Variants in ATG9A observed in about 807,000 individuals in gnomAD.
The protein encoded by ATG9A is autophagy-related protein 9A.
In ATG9A, 21 loss-of-function variants were observed where a neutral mutation model predicts 87.1. The observed-to-expected ratio is 0.24, with a 90% confidence interval of 0.17 to 0.35. The LOEUF (loss-of-function observed/expected upper bound fraction) is 0.35. Among genes scored for constraint, ATG9A ranks in the 10% least tolerant of loss-of-function variants. ATG9A has a pLI of 1.00. For missense variants in ATG9A, 836 were observed against 1,107.3 expected (o/e 0.76, Z 3.48); for synonymous variants, 422 against 441.3 (o/e 0.96, Z 0.55).
rs1157017532 is a variant in ATG9A at position 219,221,373 on chromosome 2, G to GT, written c.2146-72dup. ...TCTGAAACAGCTGCCCTCCAACCTG[G>GT]TATCAGTCAGTTCCCGCTTTACCCC... On this transcript the variant is annotated intron_variant, in intron 13 of 15. Coordinates refer to ENST00000361242, the MANE Select transcript of ATG9A (RefSeq NM_001077198.3). The GT allele has an allele frequency of 4.3e-6, 6 of 1,383,008 alleles. No individual in the cohort carries two copies. In the African/African-American group the frequency reaches 7.3e-5, roughly 17 times the overall value. The allele number at this position is 1,383,008 out of a possible 1,614,324, so 85.7% of individuals were successfully genotyped here.
At chr2:219,226,340 C>G (rs1950860056) in intron 5 of ATG9A, among the ~76,000 whole-genome samples, 1 of 152,198 alleles carries the variant, frequency 6.6e-6, no homozygotes, top group Non-Finnish European at 1.5e-5. Flanking sequence ...CGTGCCCAAC[C>G]AAGGCTTGGG....
At chr2:219,221,923 G>C (rs1227174654) in intron 13 of ATG9A, 127 bp downstream of exon 13, 2 of 813,052 alleles carry the variant, frequency 2.5e-6, no homozygotes, top group Non-Finnish European at 3.8e-6. Flanking sequence ...TAGCTAAAAA[G>C]GATATTAAGA....
At position 219,223,943 on chromosome 2, in the gene ATG9A, G is replaced by T; in HGVS notation, c.1345C>A (p.Pro449Thr). ...TGGGCATTACCCTGCCAGTGGTCAG[G>T]CATGTAGTGGATGTGAGCGAGGATC... ...RVILAHIHYM[P>T]DHWQGNAHRS... The change falls in exon 9 of 16, where the codon CCT becomes ACT. Residue 449 changes from proline (P) to threonine (T), a missense_variant. Pro to Thr is a conservative substitution (Grantham distance 38). Transcript: ENST00000361242. This position sits in a 1 kb window ranked among gnomAD's most constrained non-coding sequence, Gnocchi z 4.7. 1.2e-6 allele frequency: 2 copies of T among 1,614,218 alleles called. No homozygotes were observed. The highest frequency in any genetic ancestry group is 1.7e-6 in the Non-Finnish European group (2 of 1,180,034).
Position 219,223,634 on chromosome 2 carries a change from T to C in ATG9A, c.1550A>G (p.Asp517Gly). ...NFTVEVVGVGDTCSFAQMDVR... is the reference protein window; with the variant it reads ...NFTVEVVGVGGTCSFAQMDVR... Reference sequence around the variant, plus strand: ...ATCCATCTGAGCAAAGGAGCAGGTATCTCCCACACCAACGACCTCCACGGT... The same window carrying C: ...ATCCATCTGAGCAAAGGAGCAGGTACCTCCCACACCAACGACCTCCACGGT... Residue 517 changes from aspartate (D) to glycine (G), a missense_variant, in exon 10 of 16, where the codon GAT (aspartate) becomes GGT (glycine). Physicochemically the swap from Asp to Gly is moderately conservative, Grantham distance 94. This residue lies in a region of ATG9A where 512 missense variants were observed against 759.6 expected (regional missense o/e 0.67). Transcript: ENST00000361242. The surrounding 1 kb of genome is among the most constrained non-coding windows in gnomAD (Gnocchi z 4.7). 1 of 1,613,658 alleles carries C rather than the reference T, an allele frequency of 6.2e-7. No individual in the cohort carries two copies. Among genetic ancestry groups the C allele is most frequent in the Non-Finnish European group, 8.5e-7 (1 of 1,179,844 alleles).
chr2:219,222,413 G>C lies in ATG9A; in HGVS notation c.1886C>G (p.Ser629Cys), dbSNP rs1270732997. 5 of 1,581,410 alleles carry C rather than the reference G, an allele frequency of 3.2e-6. No individual in the cohort carries two copies. Among genetic ancestry groups the C allele is most frequent in the Admixed American group, 1.9e-5 (1 of 54,012 alleles). The change falls in exon 12 of 16, where the codon TCC (serine) becomes TGC (cysteine). Residue 629 changes from serine to cysteine, a missense_variant. Coordinates refer to ENST00000361242, the MANE Select transcript of ATG9A (RefSeq NM_001077198.3). The surrounding 1 kb of genome is among the most constrained non-coding windows in gnomAD (Gnocchi z 4.3). ...SLIANVVAGS[S>C]CRGPPLPRDL... ...TCTGGGCAGTGGAGGGCCCCGGCAG[G>C]ATGAGCCAGCTACCACATTTGCGAT...
intron 5 of ATG9A, among the ~76,000 whole-genome samples, chr2:219,226,246 G>C (rs1260210305): frequency 6.6e-6 from 1 of 152,152 alleles, no homozygotes; most frequent in African/African-American, 2.4e-5. Flanking sequence ...AAGTAGCTGG[G>C]ATTACAGGCG....
intron 4 of ATG9A, 129 bp from the exon 5 acceptor site, chr2:219,227,062 C>T (rs564561580): frequency 2.7e-6 from 2 of 752,168 alleles, no homozygotes; most frequent in Non-Finnish European, 4.7e-6. Context: ...AGTTACTTAA[C>T]CTGTCTAAAC....
chr2:219,223,804 A>G lies in ATG9A; in HGVS notation c.1420-40T>C. 6.2e-7 allele frequency: 1 copy of G among 1,613,820 alleles called. No homozygotes were observed. On this transcript the variant is annotated intron_variant, in intron 9 of 15. Transcript: ENST00000361242. This position sits in a 1 kb window ranked among gnomAD's most constrained non-coding sequence, Gnocchi z 4.7. ...CCAAGGTCACAAGCGAGCAGGAGGG[A>G]GCCCAGCCCTCACCACCGAGCTACC...
rs1950754235 is a variant in ATG9A at position 219,221,308 on chromosome 2, G to C, written c.2146-6C>G. 6.4e-7 allele frequency: 1 copy of C among 1,553,094 alleles called. No individual in the cohort carries two copies. Among genetic ancestry groups the C allele is most frequent in the East Asian group, 2.3e-5 (1 of 43,904 alleles). On this transcript the variant is annotated splice_polypyrimidine_tract_variant and splice_region_variant and intron_variant, in intron 13 of 15. Transcript: ENST00000361242. The stretch of plus-strand genomic sequence containing the variant: ...TGGGCCTGCTGCTTGTGGAGCTGGA[G>C]AAATGGGGGGCTCGTTAGTGGGGGA...
At position 219,222,478 on chromosome 2, in the gene ATG9A, C is replaced by G; in HGVS notation, c.1849-28G>C. 1.3e-6 allele frequency: 2 copies of G among 1,543,450 alleles called. No individual in the cohort carries two copies. The highest frequency in any genetic ancestry group is 1.8e-4 in the Middle Eastern group (1 of 5,714). On this transcript the variant is annotated intron_variant, in intron 11 of 15. Transcript: ENST00000361242. The surrounding 1 kb of genome is among the most constrained non-coding windows in gnomAD (Gnocchi z 4.3). ...ATGAACGAAACGGGTAGGTAGAATTCTTGAGGCAAGAGAAAGGTCTCTGGG... is the reference window on the plus strand; with the variant it reads ...ATGAACGAAACGGGTAGGTAGAATTGTTGAGGCAAGAGAAAGGTCTCTGGG...
At position 219,225,178 on chromosome 2, in the gene ATG9A, C is replaced by G. The variant is rs1224205259; in HGVS notation, c.409G>C (p.Val137Leu). Residue 137 changes from valine to leucine, a missense_variant, in exon 7 of 16, where the codon GTC becomes CTC. Coordinates refer to ENST00000361242, the MANE Select transcript of ATG9A (RefSeq NM_001077198.3). Reference sequence around the variant, plus strand: ...TGGATCCAGAAGACACCAGCAATGACCAGGATGGTGATAAGGGAGCCATTT... The same window carrying G: ...TGGATCCAGAAGACACCAGCAATGAGCAGGATGGTGATAAGGGAGCCATTT... ...QENGSLITIL[V>L]IAGVFWIHRL... 1.2e-6 allele frequency: 2 copies of G among 1,614,012 alleles called. No homozygotes were observed. Among genetic ancestry groups the G allele is most frequent in the Non-Finnish European group, 1.7e-6 (2 of 1,180,026 alleles).
Position 219,224,212 on chromosome 2 carries a change from T to C in ATG9A, c.1159A>G (p.Ile387Val), listed in dbSNP as rs757871025. ...AKNGAFFAGS[I>V]LAVLIALTIY... ...GTGAGGGCAATAAGCACAGCCAGGA[T>C]GGAGCCAGCGAAGAAGGCTCCATTC... Residue 387 changes from isoleucine to valine, a missense_variant, in exon 8 of 16, where the codon ATC becomes GTC. Ile to Val is a conservative substitution (Grantham distance 29). Around this residue, in one of 2 missense-constraint regions of ATG9A, gnomAD observed 512 missense variants for 759.6 expected, o/e 0.67. Transcript: ENST00000361242. This position sits in a 1 kb window ranked among gnomAD's most constrained non-coding sequence, Gnocchi z 7.7. 1.4e-5 allele frequency: 23 copies of C among 1,613,676 alleles called. No homozygotes were observed. Among genetic ancestry groups the C allele is most frequent in the Non-Finnish European group, 1.9e-5 (22 of 1,180,044 alleles).
chr2:219,221,258 C>T lies in ATG9A; in HGVS notation c.2190G>A (p.Trp730Ter). Residue 730 changes from tryptophan to a stop codon, truncating the protein, a stop_gained, in exon 14 of 16, where the codon TGG becomes TGA. Transcript: ENST00000361242. LOFTEE classifies it high-confidence loss of function. ...QAQAEPERHVWHRRESDESGE... is the reference protein window; with the variant it reads ...QAQAEPERHV ...CACTCTCATCACTCTCCCGGCGGTG[C>T]CATACATGCCGCTCAGGTTCAGCCT... The T allele has an allele frequency of 6.4e-7, 1 of 1,571,752 alleles. No homozygotes were observed. The highest frequency in any genetic ancestry group is 1.2e-5 in the South Asian group (1 of 84,126).
At position 219,224,061 on chromosome 2, in the gene ATG9A, C is replaced by T. The variant is rs1356202743; in HGVS notation, c.1266-39G>A. 2.5e-6 allele frequency: 4 copies of T among 1,605,532 alleles called. No homozygotes were observed. The highest frequency in any genetic ancestry group is 1.1e-5 in the South Asian group (1 of 90,018). ...GATCATGGTGAGATGTATGCCTTTC[C>T]CAGGAATGCTAGCCGGCTTGCTCCC... On this transcript the variant is annotated intron_variant, in intron 8 of 15. Coordinates refer to ENST00000361242, the MANE Select transcript of ATG9A (RefSeq NM_001077198.3). The surrounding 1 kb of genome is among the most constrained non-coding windows in gnomAD (Gnocchi z 7.7).
chr2:219,224,597 T>C lies in ATG9A; in HGVS notation c.774A>G (p.Gly258=), dbSNP rs771580231. 6 of 1,613,988 alleles carry C rather than the reference T, an allele frequency of 3.7e-6. No homozygotes were observed. The highest frequency in any genetic ancestry group is 5.1e-6 in the Non-Finnish European group (6 of 1,180,030). Residue 258 remains glycine (G), a synonymous_variant, in exon 8 of 16, where the codon GGA becomes GGG. Coordinates refer to ENST00000361242, the MANE Select transcript of ATG9A (RefSeq NM_001077198.3). The surrounding 1 kb of genome is among the most constrained non-coding windows in gnomAD (Gnocchi z 7.7). ...ATTCATTGAGAAACAGAGAGCCAGG[T>C]CCCCAGAAGAGGATCAGCTCAAAGT... ...KYNFELILFW[G]PGSLFLNEWS...
At chr2:219,221,904 G>T in intron 13 of ATG9A, 146 bp downstream of exon 13, 1 of 720,628 alleles carries the variant, frequency 1.4e-6, no homozygotes, top group Non-Finnish European at 2.3e-6. Flanking sequence ...CCCTGGATGA[G>T]AGCAGGCTTA....
chr2:219,226,192 C>A (rs903740729), intron 5 of ATG9A, among the ~76,000 whole-genome samples: 10 of 152,044 alleles, frequency 6.6e-5, no homozygotes, highest in African/African-American at 2.4e-4. Context: ...CTCACTGCAA[C>A]CTCCACCTCC....
At position 219,225,485 on chromosome 2, in the gene ATG9A, G is replaced by C; in HGVS notation, c.300C>G (p.His100Gln). ...TGACGGGTTCAGTAGGGTGAAGACT[G>C]TGGTTCACCATCTTGTTGGCAAATA... Reference protein sequence around the residue: ...DILFANKMVNHSLHPTEPVKV... With the variant: ...DILFANKMVNQSLHPTEPVKV... Residue 100 changes from histidine to glutamine, a missense_variant, in exon 6 of 16, where the codon CAC becomes CAG. This residue lies in a region of ATG9A where 512 missense variants were observed against 759.6 expected (regional missense o/e 0.67). Transcript: ENST00000361242. 1 of 1,614,150 alleles carries C rather than the reference G, an allele frequency of 6.2e-7. No homozygotes were observed. The highest frequency in any genetic ancestry group is 2.2e-5 in the East Asian group (1 of 44,880).
rs1181994752 is a variant in ATG9A, at chr2:219,225,323, G to A, written c.374+88C>T. The A allele has an allele frequency of 3.8e-6, 6 of 1,594,950 alleles. No individual in the cohort carries two copies. The African/African-American group carries it at 8.1e-5, about 21-fold the overall frequency. ...AGACCAAGCCTGAGTCAGTTCTGGAGTATGAGTTGCTGCCTCAGACTCCAC... is the reference window on the plus strand; with the variant it reads ...AGACCAAGCCTGAGTCAGTTCTGGAATATGAGTTGCTGCCTCAGACTCCAC... On this transcript the variant is annotated intron_variant, in intron 6 of 15. Transcript: ENST00000361242.
Sources: gnomAD v4.1 joint callset for allele counts (sites outside exome capture counted in the v4.1 genomes callset) on GRCh38, gnomAD v4.1.1 for gene constraint, gnomAD v4.1.1 regional missense constraint, Gnocchi (gnomAD v3.1) non-coding constraint, MANE v1.5 for transcripts, NCBI Gene and HGNC (gene_info 2026-07-23, HGNC 2026-07-21) for gene names.